SLX9: variants seen among roughly 807,000 people sequenced by gnomAD.
The protein encoded by SLX9 is SLX9 ribosome biogenesis factor.
SLX9 carries 19 observed loss-of-function variants against 20.8 expected under a neutral mutation model. The observed-to-expected ratio is 0.91, with a 90% confidence interval of 0.64 to 1.34. SLX9 has a LOEUF of 1.34. Ranked by LOEUF, SLX9 falls within the 40% of genes most tolerant of loss-of-function variation. The probability of loss-of-function intolerance (pLI) is 0.00; values close to 1 mark genes in which losing one functional copy is unlikely to be tolerated. For synonymous variants in SLX9, 113 were observed against 137.1 expected, an observed-to-expected ratio of 0.82 and a Z score of 1.23; for missense variants, 299 against 322.2, an observed-to-expected ratio of 0.93 and a Z score of 0.55.
chr21:44,959,919 C>G (rs1011422760), intron 2 of SLX9, among the ~76,000 whole-genome samples, 181 bp from the exon 3 acceptor site: 2 of 152,152 alleles, frequency 1.3e-5, no homozygotes, highest in Non-Finnish European at 2.9e-5. Flanking sequence ...GAGGCCGGGC[C>G]GAGGCATGCT....
chr21:44,971,302 G>A (rs529360114), intron 4 of SLX9, among the ~76,000 whole-genome samples: 45 of 152,262 alleles, frequency 3.0e-4, no homozygotes, highest in East Asian at 2.9e-3. Context: ...TCGTGGAGTC[G>A]CGTCCCTGCC....
intron 2 of SLX9, among the ~76,000 whole-genome samples, chr21:44,955,868 G>T (rs928160281): frequency 6.6e-6 from 1 of 152,220 alleles, no homozygotes; most frequent in African/African-American, 2.4e-5. Context: ...TGGAGTTGCT[G>T]ATCCAGTCTG....
intron 4 of SLX9, among the ~76,000 whole-genome samples, chr21:44,972,029 G>A (rs1366682084): frequency 1.3e-5 from 2 of 152,164 alleles, no homozygotes; most frequent in African/African-American, 4.8e-5. Context: ...AAAGAAAGCG[G>A]GTGCTGAGGG....
intron 2 of SLX9, among the ~76,000 whole-genome samples, chr21:44,950,470 G>C (rs899682998): frequency 2.0e-5 from 3 of 152,262 alleles, no homozygotes; most frequent in African/African-American, 7.2e-5. Flanking sequence ...GTGGTGCGGC[G>C]GCTGGGAGTG....
At chr21:44,948,201 G>A (rs2084680943) in intron 2 of SLX9, among the ~76,000 whole-genome samples, 1 of 151,954 alleles carries the variant, frequency 6.6e-6, no homozygotes, top group Non-Finnish European at 1.5e-5. Flanking sequence ...TGGTCGTGGA[G>A]CATCGGGCGG....
intron 4 of SLX9, among the ~76,000 whole-genome samples, chr21:44,971,506 G>GGT (rs1404968065): frequency 6.6e-6 from 1 of 152,170 alleles, no homozygotes; most frequent in Non-Finnish European, 1.5e-5. Context: ...AGCCACCCTG[G>GGT]GTGCAGCTCC....
rs942831381 is a variant in SLX9, at chr21:44,940,042, G to C, written c.-16G>C. The C allele has an allele frequency of 1.5e-5, 22 of 1,436,168 alleles. 1 individual carries two copies. In the Admixed American group the frequency reaches 5.3e-4, roughly 34 times the overall value. 89.0% of individuals were successfully genotyped at this position (1,436,168 alleles called of 1,614,324 possible). On this transcript the variant is annotated 5_prime_UTR_variant, in exon 1 of 6. Coordinates refer to ENST00000291634, the MANE Select transcript of SLX9 (RefSeq NM_058190.4). ...CCGGGAGGCGCTCCGCACGTTTGCC[G>C]TGCTCCGCCGGGAAGATGGGGAAAG...
At chr21:44,954,716 T>A (rs2084823502) in intron 2 of SLX9, among the ~76,000 whole-genome samples, 2 of 152,116 alleles carry the variant, frequency 1.3e-5, no homozygotes, top group African/African-American at 4.8e-5. Context: ...CTGTGACTGC[T>A]CTTCTCTGCG....
chr21:44,939,726 G>A, upstream of SLX9: 1 of 494,542 alleles, frequency 2.0e-6, no homozygotes, highest in South Asian at 1.5e-5. Flanking sequence ...TTTTAAAAAG[G>A]CCATCTCGAC....
Position 44,943,781 on chromosome 21 carries a change from C to T in SLX9, c.227C>T (p.Ser76Phe). ...KLELDVRSVTSVRRGEAGSSA... is the reference protein window; with the variant it reads ...KLELDVRSVTFVRRGEAGSSA... ...GAGCTGGACGTGAGGAGTGTCACTT[C>T]CGTCAGGAGAGGTGAGGCAGGCTCG... Residue 76 changes from serine (S) to phenylalanine (F), a missense_variant, in exon 2 of 6, where the codon TCC (serine) becomes TTC (phenylalanine). By Grantham distance (155) the Ser-to-Phe change is radical. Transcript: ENST00000291634. 1 of 1,614,094 alleles carries T rather than the reference C, an allele frequency of 6.2e-7. No homozygotes were observed. Among genetic ancestry groups the T allele is most frequent in the Non-Finnish European group, 8.5e-7 (1 of 1,180,032 alleles).
At chr21:44,963,470 A>G (rs764318498) in intron 3 of SLX9, among the ~76,000 whole-genome samples, 1 of 150,924 alleles carries the variant, frequency 6.6e-6, no homozygotes, top group Non-Finnish European at 1.5e-5. Context: ...TGTGTGTCCT[A>G]TTTAAGAAAA....
At chr21:44,973,110 C>A in intron 4 of SLX9, 87 bp from the exon 5 acceptor site, 1 of 1,487,044 alleles carries the variant, frequency 6.7e-7, no homozygotes, top group Non-Finnish European at 9.3e-7. Context: ...GACGTCTGCT[C>A]TAAGAAGGGA....
At chr21:44,941,542 C>T (rs778322778) in intron 1 of SLX9, among the ~76,000 whole-genome samples, 1 of 152,008 alleles carries the variant, frequency 6.6e-6, no homozygotes, top group African/African-American at 2.4e-5. Flanking sequence ...GTTCTTAAAG[C>T]CTCCTTGGCC....
rs546077009 is a variant in SLX9, at chr21:44,947,263, A to G, written c.283+3426A>G. On this transcript the variant is annotated intron_variant, in intron 2 of 5. Transcript: ENST00000291634. ...CCACCCTTCAATGACCCGCCTGGCT[A>G]TGGAGGTGAGGTGGCGGCCTGTGGG... Among the ~76,000 whole-genome samples the G allele has an allele frequency of 6.6e-5, 10 of 152,228 alleles. No individual in the cohort carries two copies. In the East Asian group the frequency reaches 1.7e-3, roughly 26 times the overall value.
At chr21:44,950,191 G>T (rs2084729383) in intron 2 of SLX9, among the ~76,000 whole-genome samples, 2 of 151,148 alleles carry the variant, frequency 1.3e-5, no homozygotes, top group African/African-American at 4.9e-5. Context: ...CCAGGTGCCT[G>T]CCTGAAAACA....
intron 4 of SLX9, chr21:44,969,266 C>T (rs749637870): frequency 1.7e-5 from 8 of 461,562 alleles, no homozygotes; most frequent in African/African-American, 1.6e-4. Context: ...AGAATAGGAG[C>T]GGCCGCCCGG....
At chr21:44,944,582 A>G (rs978337158) in intron 2 of SLX9, among the ~76,000 whole-genome samples, 1 of 152,180 alleles carries the variant, frequency 6.6e-6, no homozygotes, top group African/African-American at 2.4e-5. Context: ...TCACTCATCT[A>G]AGGGAGTCGG....
chr21:44,975,603 C>T (rs2085247293), intron 5 of SLX9, among the ~76,000 whole-genome samples: 1 of 152,280 alleles, frequency 6.6e-6, no homozygotes, highest in Non-Finnish European at 1.5e-5. Context: ...CTGGCCTGGG[C>T]CTTCCCCTGG....
chr21:44,946,239 A>G (rs2084639528), intron 2 of SLX9, among the ~76,000 whole-genome samples: 1 of 150,564 alleles, frequency 6.6e-6, no homozygotes, highest in Non-Finnish European at 1.5e-5. Flanking sequence ...TCTGTTGGGT[A>G]ATTAATTTTT....
Sources: gnomAD v4.1 joint callset for allele counts (sites outside exome capture counted in the v4.1 genomes callset) on GRCh38, gnomAD v4.1.1 for gene constraint, MANE v1.5 for transcripts, NCBI Gene and HGNC (gene_info 2026-07-23, HGNC 2026-07-21) for gene names.